CXCL13: variants seen among roughly 807,000 people sequenced by gnomAD.
CXCL13 encodes C-X-C motif chemokine 13.
Under a neutral mutation model 12.2 loss-of-function variants are expected in CXCL13, and 7 were observed. The ratio of observed to expected loss-of-function variants is 0.57; its 90% CI spans 0.33 to 1.07. The LOEUF (loss-of-function observed/expected upper bound fraction) is 1.07. Ranked by LOEUF, CXCL13 falls within the 50% of genes least tolerant of loss-of-function variation. CXCL13 has a pLI of 0.04. For missense variants in CXCL13, 113 were observed against 127.4 expected (o/e 0.89, Z 0.55); for synonymous variants, 47 against 42.4 (o/e 1.11, Z -0.42).
intron 1 of CXCL13, among the ~76,000 whole-genome samples, chr4:77,546,087 A>T (rs1003546754): frequency 6.6e-6 from 1 of 152,208 alleles, no homozygotes; most frequent in African/African-American, 2.4e-5. Flanking sequence ...CTTGCATCCC[A>T]GGGATGAAGC....
intron 1 of CXCL13, among the ~76,000 whole-genome samples, chr4:77,568,814 C>T (rs1005402228): frequency 6.6e-6 from 1 of 152,080 alleles, no homozygotes; most frequent in Non-Finnish European, 1.5e-5. Context: ...ACAGTCCCAC[C>T]CTAGGGGAAT....
chr4:77,536,764 G>A (rs1725066623), intron 1 of CXCL13, among the ~76,000 whole-genome samples: 2 of 152,116 alleles, frequency 1.3e-5, no homozygotes, highest in Admixed American at 6.5e-5. Context: ...CTGAAAAATA[G>A]CAATAGCTGA....
intron 1 of CXCL13, among the ~76,000 whole-genome samples, chr4:77,562,966 T>A (rs1017595721): frequency 1.3e-5 from 2 of 152,078 alleles, no homozygotes; most frequent in African/African-American, 4.8e-5. Flanking sequence ...GCAACCCCCA[T>A]GGGTCCCCTT....
intron 1 of CXCL13, among the ~76,000 whole-genome samples, chr4:77,549,278 A>G (rs1578048975): frequency 1.3e-5 from 2 of 152,164 alleles, no homozygotes; most frequent in South Asian, 4.1e-4. Context: ...TCAATGAGTT[A>G]GAATATGTTC....
chr4:77,610,578 G>A, intron 2 of CXCL13, 36 bp from the exon 3 acceptor site: 1 of 1,459,570 alleles, frequency 6.9e-7, no homozygotes, highest in Non-Finnish European at 9.6e-7. Context: ...TGACTAAAAT[G>A]TAAGACTGAA....
At chr4:77,608,799 T>C (rs1727076846) in intron 2 of CXCL13, among the ~76,000 whole-genome samples, 1 of 152,206 alleles carries the variant, frequency 6.6e-6, no homozygotes, top group South Asian at 2.1e-4. Context: ...AACTCAGAGA[T>C]GTGAAGTCTA....
chr4:77,552,747 G>A (rs1725564683), intron 1 of CXCL13, among the ~76,000 whole-genome samples: 1 of 152,260 alleles, frequency 6.6e-6, no homozygotes, highest in South Asian at 2.1e-4. Context: ...CAAGTTCTCT[G>A]CATGGGGATG....
intron 1 of CXCL13, among the ~76,000 whole-genome samples, chr4:77,589,635 C>G (rs975628657): frequency 6.6e-6 from 1 of 152,042 alleles, no homozygotes; most frequent in Non-Finnish European, 1.5e-5. Context: ...GAACATACAC[C>G]CCACGAATAA....
At position 77,605,925 on chromosome 4, in the gene CXCL13, C is replaced by G. The variant is rs766030835; in HGVS notation, c.60C>G (p.Val20=). Residue 20 remains valine, a synonymous_variant, in exon 1 of 4, where the codon GTC becomes GTG. Transcript: ENST00000682537. ...TGCTGGTCAGCAGCCTCTCTCCAGT[C>G]CAAGGTGAGAAATTTCATTTACATT... is the stretch of plus-strand genomic sequence containing the variant. ...LMLLVSSLSP[V]QGVLEVYYTS... is the part of the protein sequence containing the mutation. The G allele has an allele frequency of 3.1e-6, 5 of 1,593,076 alleles. No individual in the cohort carries two copies. The South Asian group carries it at 4.5e-5, about 14-fold the overall frequency.
At chr4:77,580,299 G>C (rs1377515046) in intron 1 of CXCL13, among the ~76,000 whole-genome samples, 1 of 24,980 alleles carries the variant, frequency 4.0e-5, no homozygotes, top group African/African-American at 1.3e-4. Flanking sequence ...AAAAAGACAA[G>C]TTTTCTTTCT....
In CXCL13 at chr4:77,582,566, C is replaced by T. The variant is rs149247093; in HGVS notation, c.-42-23258C>T. The stretch of plus-strand genomic sequence containing the variant: ...TAAAACCAGCGTGGGGGAAGCTTGA[C>T]GTAGGAACTAAGAGAATACAGAAGG... On this transcript the variant is annotated intron_variant, in intron 1 of 4. Transcript: ENST00000286758. Among the ~76,000 whole-genome samples the T allele has an allele frequency of 5.0e-3, 768 of 152,144 alleles. 6 individuals carry two copies. The highest frequency in any genetic ancestry group is 0.027 in the Middle Eastern group (8 of 292).
At chr4:77,538,921 A>C (rs1012484404) in intron 1 of CXCL13, among the ~76,000 whole-genome samples, 4 of 152,224 alleles carry the variant, frequency 2.6e-5, no homozygotes, top group Non-Finnish European at 5.9e-5. Flanking sequence ...TTTGAGGGGC[A>C]TAAGGCAGAA....
chr4:77,531,675 G>GAGTCTA (rs1304809882), intron 1 of CXCL13, among the ~76,000 whole-genome samples: 2 of 152,124 alleles, frequency 1.3e-5, no homozygotes, highest in Non-Finnish European at 2.9e-5. Context: ...TATTGTGTGG[G>GAGTCTA]AGTCTAAGTC....
At chr4:77,520,820 T>C (rs567624528) in intron 1 of CXCL13, among the ~76,000 whole-genome samples, 2 of 152,334 alleles carry the variant, frequency 1.3e-5, no homozygotes, top group South Asian at 4.1e-4. Flanking sequence ...GCTTCCAGTT[T>C]TTGCCCATTC....
chr4:77,543,956 T>C (rs1437482666), intron 1 of CXCL13, among the ~76,000 whole-genome samples: 7 of 152,122 alleles, frequency 4.6e-5, no homozygotes, highest in Non-Finnish European at 1.5e-5. Flanking sequence ...GTCCAAATGT[T>C]CTCATTGTTT....
chr4:77,543,153 G>T (rs531862929), intron 1 of CXCL13, among the ~76,000 whole-genome samples: 5 of 152,020 alleles, frequency 3.3e-5, no homozygotes, highest in African/African-American at 1.2e-4. Context: ...TATGCATAGA[G>T]GTGTTCATAA....
At chr4:77,582,293 G>A (rs750033663) in intron 1 of CXCL13, among the ~76,000 whole-genome samples, 2 of 152,126 alleles carry the variant, frequency 1.3e-5, no homozygotes, top group Admixed American at 1.3e-4. Context: ...TAGTCTGGTG[G>A]CATATTGGAT....
At chr4:77,559,590 C>CGTGTGTGTGTGTGT (rs376338194) in intron 1 of CXCL13, among the ~76,000 whole-genome samples, 1 of 148,630 alleles carries the variant, frequency 6.7e-6, no homozygotes, top group East Asian at 2.0e-4. Context: ...CTAAATATGC[C>CGTGTGTGTGTGTGT]GTGTGTGTGT....
chr4:77,562,961 C>CCA (rs1725847480), intron 1 of CXCL13, among the ~76,000 whole-genome samples: 1 of 152,080 alleles, frequency 6.6e-6, no homozygotes, highest in Admixed American at 6.5e-5. Context: ...CAGTGGCAAC[C>CCA]CCCATGGGTC....
Sources: allele counts gnomAD v4.1 joint callset (sites outside exome capture counted in the v4.1 genomes callset), GRCh38; gene constraint gnomAD v4.1.1; transcripts MANE v1.5; gene names NCBI Gene and HGNC (gene_info 2026-07-23, HGNC 2026-07-21).